The following IL1RAPL2 variants were observed in gnomAD, a reference collection of about 807,000 sequenced individuals.
The protein encoded by IL1RAPL2 is X-linked interleukin-1 receptor accessory protein-like 2.
IL1RAPL2 carries 3 observed loss-of-function variants against 44.1 expected under a neutral mutation model. The ratio of observed to expected loss-of-function variants is 0.07; its 90% CI spans 0.03 to 0.18. The LOEUF is 0.18. Ranked by LOEUF, IL1RAPL2 falls within the 10% of genes least tolerant of loss-of-function variation. IL1RAPL2 has a pLI of 1.00. For missense variants in IL1RAPL2, 391 were observed against 496.4 expected, an observed-to-expected ratio of 0.79 and a Z score of 2.02; for synonymous variants, 181 against 178.8, an observed-to-expected ratio of 1.01 and a Z score of -0.10.
chrX:104,823,794 C>A (rs1005776204), intron 2 of IL1RAPL2, among the ~76,000 whole-genome samples: 9 of 111,947 alleles, frequency 8.0e-5, no homozygotes, highest in African/African-American at 2.6e-4. Context: ...TGGGCTGAGA[C>A]AATGGTGTTT....
chrX:105,073,618 A>C (rs2032243264), intron 2 of IL1RAPL2, among the ~76,000 whole-genome samples: 1 of 111,397 alleles, frequency 9.0e-6, no homozygotes, highest in Non-Finnish European at 1.9e-5. Context: ...AGGAATCACC[A>C]CACCGACTTC....
chrX:104,809,980 C>G (rs1188848153), intron 2 of IL1RAPL2, among the ~76,000 whole-genome samples: 1 of 110,925 alleles, frequency 9.0e-6, no homozygotes, highest in Non-Finnish European at 1.9e-5. Context: ...TTTATTGCAG[C>G]ACTATTCACA....
intron 6 of IL1RAPL2, among the ~76,000 whole-genome samples, chrX:105,690,919 C>CAAG (rs2038030157): frequency 9.0e-6 from 1 of 111,206 alleles, no homozygotes; most frequent in Admixed American, 9.6e-5. Context: ...AGTCCAAGAT[C>CAAG]AAGGTGCCAG....
At chrX:105,245,794 G>T (rs751340757) in intron 4 of IL1RAPL2, among the ~76,000 whole-genome samples, 99 of 112,450 alleles carry the variant, frequency 8.8e-4, no homozygotes, top group Non-Finnish European at 1.7e-3. Context: ...ACTTTGGAGT[G>T]AAACACTCAT....
intron 2 of IL1RAPL2, among the ~76,000 whole-genome samples, chrX:104,818,943 G>A (rs1390956407): frequency 8.9e-6 from 1 of 111,968 alleles, no homozygotes; most frequent in Non-Finnish European, 1.9e-5. Context: ...TATAGTAAGT[G>A]TTCAATGAAT....
intron 2 of IL1RAPL2, among the ~76,000 whole-genome samples, chrX:104,939,190 G>T (rs1263937765): frequency 9.1e-6 from 1 of 109,370 alleles, no homozygotes; most frequent in African/African-American, 3.4e-5. Flanking sequence ...CCAAATAGCT[G>T]GGACTCCAGG....
intron 5 of IL1RAPL2, among the ~76,000 whole-genome samples, chrX:105,309,412 T>A (rs1290075526): frequency 1.8e-5 from 2 of 111,096 alleles, no homozygotes; most frequent in African/African-American, 6.5e-5. Flanking sequence ...TATTCATAGA[T>A]CTTCTTTTGT....
chrX:104,763,618 C>A (rs890460888), intron 2 of IL1RAPL2, among the ~76,000 whole-genome samples: 2 of 111,652 alleles, frequency 1.8e-5, no homozygotes, highest in Non-Finnish European at 3.8e-5. Context: ...AGGCCTCAGG[C>A]AACTTACAAA....
chrX:104,771,562 C>T (rs937107480), intron 2 of IL1RAPL2, among the ~76,000 whole-genome samples: 3 of 112,210 alleles, frequency 2.7e-5, no homozygotes, highest in African/African-American at 6.5e-5. Flanking sequence ...AGCAGTGTTA[C>T]CATAATAGTT....
intron 6 of IL1RAPL2, among the ~76,000 whole-genome samples, chrX:105,625,791 G>A (rs1260359015): frequency 9.9e-6 from 1 of 100,681 alleles, no homozygotes; most frequent in Non-Finnish European, 2.1e-5. Flanking sequence ...AGAGCTCAGG[G>A]TGAGTTGGAA....
intron 5 of IL1RAPL2, among the ~76,000 whole-genome samples, chrX:105,420,500 C>T (rs937845576): frequency 8.9e-6 from 1 of 111,936 alleles, no homozygotes; most frequent in African/African-American, 3.3e-5. Flanking sequence ...CATGGTCACA[C>T]ATGTGCTTGG....
At chrX:105,686,440 A>T (rs2037977123) in intron 6 of IL1RAPL2, among the ~76,000 whole-genome samples, 1 of 106,996 alleles carries the variant, frequency 9.3e-6, no homozygotes, top group South Asian at 4.2e-4. Flanking sequence ...GATAAAACAG[A>T]CTTTAAACCA....
intron 2 of IL1RAPL2, among the ~76,000 whole-genome samples, chrX:104,942,257 G>T (rs977588855): frequency 8.9e-6 from 1 of 112,054 alleles, no homozygotes; most frequent in South Asian, 3.7e-4. Flanking sequence ...GTAGCTTGAT[G>T]GGGATGGCAT....
At chrX:104,792,205 G>A (rs1057380427) in intron 2 of IL1RAPL2, among the ~76,000 whole-genome samples, 2 of 111,172 alleles carry the variant, frequency 1.8e-5, no homozygotes, top group Non-Finnish European at 3.8e-5. Context: ...TACTTCATAA[G>A]TAGCAGATCT....
At chrX:104,867,098 A>C (rs1169720705) in intron 2 of IL1RAPL2, among the ~76,000 whole-genome samples, 1 of 108,974 alleles carries the variant, frequency 9.2e-6, no homozygotes, top group Non-Finnish European at 1.9e-5. Context: ...TTAGCCGGGC[A>C]CAGTGGTGGG....
At chrX:104,674,785 G>T (rs1255404145) in intron 2 of IL1RAPL2, among the ~76,000 whole-genome samples, 1 of 110,647 alleles carries the variant, frequency 9.0e-6, no homozygotes, top group Non-Finnish European at 1.9e-5. Flanking sequence ...TCCTGTTATT[G>T]GTCTATTCAG....
chrX:105,566,111 A>G (rs988319183), intron 6 of IL1RAPL2, among the ~76,000 whole-genome samples: 2 of 111,416 alleles, frequency 1.8e-5, no homozygotes, highest in Admixed American at 9.6e-5. Flanking sequence ...TGCTTTATTT[A>G]CAGAAATCTC....
chrX:104,735,244 T>C (rs1027793966), intron 2 of IL1RAPL2, among the ~76,000 whole-genome samples: 1 of 111,685 alleles, frequency 9.0e-6, no homozygotes, highest in Non-Finnish European at 1.9e-5. Flanking sequence ...AAGAAAATGG[T>C]ATTTTGATTA....
chrX:105,377,259 T>C (rs2035394543), intron 5 of IL1RAPL2, among the ~76,000 whole-genome samples: 1 of 111,590 alleles, frequency 9.0e-6, no homozygotes, highest in Non-Finnish European at 1.9e-5. Flanking sequence ...TCTAATCATT[T>C]CTTCAAATTG....
Sources: gnomAD v4.1 joint callset for allele counts (sites outside exome capture counted in the v4.1 genomes callset) on GRCh38, gnomAD v4.1.1 for gene constraint, MANE v1.5 for transcripts, NCBI Gene and HGNC (gene_info 2026-07-23, HGNC 2026-07-21) for gene names.